GRIK4: variants seen among roughly 807,000 people sequenced by gnomAD.
GRIK4 encodes the protein glutamate ionotropic receptor kainate type subunit 4.
In GRIK4, 40 loss-of-function variants were observed where a neutral mutation model predicts 104.9. The observed-to-expected ratio is 0.38, with a 90% CI of 0.30 to 0.50. The LOEUF is 0.50. Among genes scored for constraint, GRIK4 ranks in the 20% least tolerant of loss-of-function variants. The pLI is 0.93. For synonymous variants in GRIK4, 485 were observed against 524.9 expected (o/e 0.92, Z 1.04); for missense variants, 1,047 against 1,308.1 (o/e 0.80, Z 3.08).
chr11:120,849,634 G>A (rs760269417), intron 8 of GRIK4, among the ~76,000 whole-genome samples: 14 of 152,194 alleles, frequency 9.2e-5, no homozygotes, highest in African/African-American at 3.4e-4. Context: ...CAAAGTGGGT[G>A]TTCCAATTCT....
At position 120,953,105 on chromosome 11, in the gene GRIK4, G is replaced by A. The variant is rs1245205036; in HGVS notation, c.1700+141G>A. 4 of 628,440 alleles carry A rather than the reference G, an allele frequency of 6.4e-6. No homozygotes were observed. Among genetic ancestry groups the A allele is most frequent in the Middle Eastern group, 3.6e-4 (1 of 2,788 alleles). 38.9% of individuals were successfully genotyped at this position (628,440 alleles called of 1,614,324 possible). On this transcript the variant is annotated intron_variant, in intron 15 of 20. Transcript: ENST00000527524. This position sits in a 1 kb window ranked among gnomAD's most constrained non-coding sequence, Gnocchi z 4.9. The stretch of plus-strand genomic sequence containing the variant: ...GTGCCAAACTAGAAGGACAGGAGAA[G>A]GACTGGGGGCCTGAAATGCTCTCTG...
rs1952400235 is a variant in GRIK4 at position 120,791,796 on chromosome 11, A to G, written c.83-10897A>G. 2.0e-5 allele frequency among the ~76,000 whole-genome samples: 3 copies of G among 152,176 alleles called. No individual in the cohort carries two copies. In the South Asian group the frequency reaches 6.2e-4, roughly 32 times the overall value. ...GAGTAAGGATTGGGATTTCTTTAAC[A>G]TATGGATATCCAAATGTTCCAGCAC... On this transcript the variant is annotated intron_variant, in intron 3 of 20. Transcript: ENST00000527524.
chr11:120,978,431 G>A (rs1944597338), intron 19 of GRIK4, among the ~76,000 whole-genome samples: 1 of 152,128 alleles, frequency 6.6e-6, no homozygotes, highest in African/African-American at 2.4e-5. Flanking sequence ...GTTCCAGGCA[G>A]AGGAATTAAC....
chr11:120,793,885 G>A (rs1463151729), intron 3 of GRIK4, among the ~76,000 whole-genome samples: 2 of 150,512 alleles, frequency 1.3e-5, no homozygotes, highest in African/African-American at 5.0e-5. Flanking sequence ...GATGGTTGGA[G>A]GAGAAGAGCG....
At chr11:120,792,161 G>A (rs922289037) in intron 3 of GRIK4, among the ~76,000 whole-genome samples, 1 of 152,124 alleles carries the variant, frequency 6.6e-6, no homozygotes, top group Non-Finnish European at 1.5e-5. Context: ...TGTCTGAGCC[G>A]AGATAGTCAG....
chr11:120,894,476 T>A (rs1284629548), intron 11 of GRIK4: 1 of 152,226 alleles, frequency 6.6e-6, no homozygotes, highest in African/African-American at 2.4e-5. Flanking sequence ...GGGGTGCTTT[T>A]TTCTTATCTG....
intron 9 of GRIK4, among the ~76,000 whole-genome samples, chr11:120,866,325 G>A (rs942612114): frequency 6.6e-6 from 1 of 152,188 alleles, no homozygotes; most frequent in African/African-American, 2.4e-5. Flanking sequence ...GCAGAGGTCG[G>A]GGAAGGCTTG....
intron 4 of GRIK4, among the ~76,000 whole-genome samples, chr11:120,806,334 A>T (rs576581141): frequency 6.6e-6 from 1 of 152,028 alleles, no homozygotes; most frequent in East Asian, 1.9e-4. Flanking sequence ...TTCTCCTTCC[A>T]GTTTTCTGGG....
At chr11:120,594,620 T>A (rs1337395403) in intron 1 of GRIK4, among the ~76,000 whole-genome samples, 2 of 152,372 alleles carry the variant, frequency 1.3e-5, no homozygotes, top group East Asian at 3.9e-4. Flanking sequence ...GTTGCCTTCC[T>A]AACAGCTGTT....
chr11:120,530,551 A>C (rs1947912154), intron 1 of GRIK4, among the ~76,000 whole-genome samples: 1 of 152,226 alleles, frequency 6.6e-6, no homozygotes, highest in South Asian at 2.1e-4. Context: ...ATAGCTTTCA[A>C]ATATCTATTT....
chr11:120,614,441 A>T (rs1003870921), intron 1 of GRIK4, among the ~76,000 whole-genome samples: 1 of 152,154 alleles, frequency 6.6e-6, no homozygotes, highest in African/African-American at 2.4e-5. Context: ...TGAGCTCCAG[A>T]GACCAGAAAG....
chr11:120,844,653 G>C (rs1953807266), intron 8 of GRIK4, among the ~76,000 whole-genome samples: 1 of 152,146 alleles, frequency 6.6e-6, no homozygotes, highest in African/African-American at 2.4e-5. Flanking sequence ...GCTGGGGAGA[G>C]CTGGGCCCTA....
In GRIK4 at chr11:120,819,653, A is replaced by G. The variant is rs1953056720; in HGVS notation, c.346-102A>G. On this transcript the variant is annotated intron_variant, in intron 5 of 20. Coordinates refer to ENST00000527524, the MANE Select transcript of GRIK4 (RefSeq NM_014619.5). The surrounding 1 kb of genome is among the most constrained non-coding windows in gnomAD (Gnocchi z 4.3). ...CATTGGTGTCTGGCGAAGGTGTTAC[A>G]TAAAAGAACTCACCCTCCACAACCT... is the stretch of plus-strand genomic sequence containing the variant. 3 of 1,098,348 alleles carry G rather than the reference A, an allele frequency of 2.7e-6. No individual in the cohort carries two copies. Among genetic ancestry groups the G allele is most frequent in the Admixed American group, 3.6e-5 (2 of 55,244 alleles). The allele number at this position is 1,098,348 out of a possible 1,614,324, so 68.0% of individuals were successfully genotyped here. A position where few individuals can be genotyped will look rare whatever the true frequency, so the allele number is the denominator to read the frequency against.
intron 3 of GRIK4, among the ~76,000 whole-genome samples, chr11:120,682,296 T>G (rs777266621): frequency 3.3e-5 from 5 of 152,186 alleles, no homozygotes; most frequent in African/African-American, 1.2e-4. Context: ...TCCCTGCTGC[T>G]GGCAGAAGGC....
intron 13 of GRIK4, among the ~76,000 whole-genome samples, chr11:120,911,398 C>T (rs1281173335): frequency 4.0e-5 from 6 of 149,580 alleles, no homozygotes. Context: ...GCCACCATGC[C>T]CGGCTAATTT....
intron 7 of GRIK4, among the ~76,000 whole-genome samples, chr11:120,834,044 G>A (rs2135568776): frequency 6.6e-6 from 1 of 152,132 alleles, no homozygotes; most frequent in South Asian, 2.1e-4. Context: ...GCACATCTTT[G>A]TACATAAATC....
intron 11 of GRIK4, among the ~76,000 whole-genome samples, chr11:120,889,619 T>A (rs1267773273): frequency 8.6e-5 from 12 of 138,824 alleles, no homozygotes; most frequent in South Asian, 4.5e-4. Flanking sequence ...TTTTTTTTTT[T>A]ATGAGATGGA....
At chr11:120,852,865 T>G (rs1954007074) in intron 8 of GRIK4, among the ~76,000 whole-genome samples, 1 of 152,166 alleles carries the variant, frequency 6.6e-6, no homozygotes, top group Non-Finnish European at 1.5e-5. Context: ...GACAAGGGTC[T>G]GGGGCCTGGC....
chr11:120,757,596 G>A (rs1951675008), intron 3 of GRIK4, among the ~76,000 whole-genome samples: 1 of 152,216 alleles, frequency 6.6e-6, no homozygotes, highest in African/African-American at 2.4e-5. Flanking sequence ...TCTGGCAGAA[G>A]GCAGTGAAAC....
Sources: gnomAD v4.1 joint callset for allele counts (sites outside exome capture counted in the v4.1 genomes callset) on GRCh38, gnomAD v4.1.1 for gene constraint, Gnocchi (gnomAD v3.1) non-coding constraint, MANE v1.5 for transcripts, NCBI Gene and HGNC (gene_info 2026-07-23, HGNC 2026-07-21) for gene names.